SLCO3A1: variants seen among roughly 807,000 people sequenced by gnomAD.
The protein encoded by SLCO3A1 is solute carrier organic anion transporter family member 3A1, also known as PGE1 transporter.
A neutral mutation model predicts 63.1 loss-of-function variants in SLCO3A1; 27 were observed. The ratio of observed to expected loss-of-function variants is 0.43; its 90% CI spans 0.32 to 0.59. The LOEUF is 0.59. Among genes scored for constraint, SLCO3A1 ranks in the 20% least tolerant of loss-of-function variants. The probability of loss-of-function intolerance (pLI) is 0.09; values close to 1 mark genes in which losing one functional copy is unlikely to be tolerated. For missense variants in SLCO3A1, 773 were observed against 945.8 expected (o/e 0.82, Z 2.40); for synonymous variants, 473 against 409.9 (o/e 1.15, Z -1.86).
intron 2 of SLCO3A1, among the ~76,000 whole-genome samples, chr15:91,929,788 G>A (rs1200256429): frequency 3.9e-5 from 6 of 152,288 alleles, no homozygotes. Flanking sequence ...AGATCGTAGA[G>A]TATCTGTCTT....
At position 92,033,925 on chromosome 15, in the gene SLCO3A1, G is replaced by T. The variant is rs2046688333; in HGVS notation, c.647-60956G>T. ...GAGCAGGCTGGCGTTGATGAGCTGG[G>T]AGCAGGCGCATGGGTGGGACCCAGT... On this transcript the variant is annotated intron_variant, in intron 2 of 9. Transcript: ENST00000318445. This position sits in a 1 kb window ranked among gnomAD's most constrained non-coding sequence, Gnocchi z 4.5. Among the ~76,000 whole-genome samples the T allele has an allele frequency of 6.6e-6, 1 of 151,974 alleles. No individual in the cohort carries two copies. The highest frequency in any genetic ancestry group is 2.1e-4 in the South Asian group (1 of 4,792).
chr15:92,135,539 G>T (rs1424949857), intron 7 of SLCO3A1, among the ~76,000 whole-genome samples: 2 of 152,204 alleles, frequency 1.3e-5, no homozygotes, highest in Non-Finnish European at 2.9e-5. Context: ...GGCGCCCTTT[G>T]TGATGAGATC....
rs558678501 is a variant in SLCO3A1, at chr15:91,935,598, C to T, written c.646+19140C>T. 3.9e-5 allele frequency among the ~76,000 whole-genome samples: 6 copies of T among 152,264 alleles called. No homozygotes were observed. In the South Asian group the frequency reaches 6.2e-4, roughly 16 times the overall value. ...GTATGATGTGCTAGACATGGAGTAA[C>T]GCCTCAGCTTTTTCCTCTCTTCTGA... On this transcript the variant is annotated intron_variant, in intron 2 of 9. Coordinates refer to ENST00000318445, the MANE Select transcript of SLCO3A1 (RefSeq NM_013272.4).
intron 2 of SLCO3A1, among the ~76,000 whole-genome samples, chr15:91,964,020 G>C (rs1243258057): frequency 2.0e-5 from 3 of 152,144 alleles, no homozygotes; most frequent in Non-Finnish European, 2.9e-5. Flanking sequence ...CTTTTAACTA[G>C]ACCCAGAGCA....
intron 9 of SLCO3A1, among the ~76,000 whole-genome samples, chr15:92,158,405 A>G (rs751598622): frequency 1.4e-4 from 21 of 152,208 alleles, no homozygotes; most frequent in Non-Finnish European, 2.6e-4. Context: ...GAATTTTGAA[A>G]TATCAAACCT....
At chr15:91,873,503 A>G (rs1325213018) in intron 1 of SLCO3A1, among the ~76,000 whole-genome samples, 2 of 150,996 alleles carry the variant, frequency 1.3e-5, no homozygotes, top group Non-Finnish European at 2.9e-5. Flanking sequence ...GATTTGACAC[A>G]TTTGCTTCAT....
intron 4 of SLCO3A1, among the ~76,000 whole-genome samples, chr15:92,109,425 G>A (rs1379501257): frequency 6.6e-6 from 1 of 152,174 alleles, no homozygotes; most frequent in Non-Finnish European, 1.5e-5. Flanking sequence ...AAAAAGATGG[G>A]TCTTCCAGAC....
chr15:92,089,884 G>A (rs1360759476), intron 2 of SLCO3A1, among the ~76,000 whole-genome samples: 1 of 152,092 alleles, frequency 6.6e-6, no homozygotes, highest in South Asian at 2.1e-4. Flanking sequence ...GCAACAGAGG[G>A]TCCCAAACTT....
At chr15:92,121,136 A>G (rs1292329485) in intron 5 of SLCO3A1, among the ~76,000 whole-genome samples, 1 of 152,172 alleles carries the variant, frequency 6.6e-6, no homozygotes, top group Non-Finnish European at 1.5e-5. Flanking sequence ...TAAATCATAG[A>G]CTACAGGTTT....
chr15:91,914,630 T>A (rs1417116278), intron 1 of SLCO3A1, among the ~76,000 whole-genome samples: 2 of 147,664 alleles, frequency 1.4e-5, no homozygotes, highest in African/African-American at 5.0e-5. Context: ...AGTGCAGTGG[T>A]GTGATCTCAG....
At chr15:92,075,076 C>T (rs868834925) in intron 2 of SLCO3A1, among the ~76,000 whole-genome samples, 1 of 152,254 alleles carries the variant, frequency 6.6e-6, no homozygotes, top group South Asian at 2.1e-4. Flanking sequence ...ACCTGAATAC[C>T]CTTGGTGGTG....
intron 1 of SLCO3A1, among the ~76,000 whole-genome samples, chr15:91,877,818 C>T (rs903609800): frequency 3.3e-5 from 5 of 152,028 alleles, no homozygotes; most frequent in African/African-American, 1.2e-4. Context: ...AATGAACCTA[C>T]AAAAAAATCT....
intron 2 of SLCO3A1, among the ~76,000 whole-genome samples, chr15:91,936,655 G>T (rs1899425127): frequency 6.6e-6 from 1 of 152,210 alleles, no homozygotes; most frequent in South Asian, 2.1e-4. Context: ...GTGAGTATGG[G>T]ATTCACACAG....
rs1390380923 is a variant in SLCO3A1, at chr15:92,131,377, T to TC, written c.1512+2888_1512+2889insC. On this transcript the variant is annotated intron_variant, in intron 7 of 9. Coordinates refer to ENST00000318445, the MANE Select transcript of SLCO3A1 (RefSeq NM_013272.4). ...TTCCTCCCACCTCTTTTTTTTTTTT[T>TC]TTTTTGAGACAGGGTCTCGCTCTGT... is the stretch of plus-strand genomic sequence containing the variant. 2.7e-5 allele frequency among the ~76,000 whole-genome samples: 3 copies of TC among 110,418 alleles called. 1 individual carries two copies. Among genetic ancestry groups the TC allele is most frequent in the African/African-American group, 9.0e-5 (3 of 33,168 alleles). The allele number at this position is 110,418 out of a possible 152,430, so 72.4% of individuals were successfully genotyped here. A position where few individuals can be genotyped will look rare whatever the true frequency, so the allele number is the denominator to read the frequency against.
intron 2 of SLCO3A1, among the ~76,000 whole-genome samples, chr15:92,040,658 G>C (rs1282614358): frequency 2.6e-5 from 4 of 152,110 alleles, no homozygotes; most frequent in Non-Finnish European, 5.9e-5. Flanking sequence ...GGAGCACGTG[G>C]TGTATACCTG....
Position 91,948,588 on chromosome 15 carries a change from T to G in SLCO3A1, c.646+32130T>G, listed in dbSNP as rs1392847981. On this transcript the variant is annotated intron_variant, in intron 2 of 9. Coordinates refer to ENST00000318445, the MANE Select transcript of SLCO3A1 (RefSeq NM_013272.4). This position sits in a 1 kb window ranked among gnomAD's most constrained non-coding sequence, Gnocchi z 4.8. The stretch of plus-strand genomic sequence containing the variant: ...ACTCTGCAGGAAGGCTGAAAAACTT[T>G]CAAAACAGTACAGGCAATTAATCAG... Among the ~76,000 whole-genome samples, 1 of 152,182 alleles carries G rather than the reference T, an allele frequency of 6.6e-6. No individual in the cohort carries two copies. Among genetic ancestry groups the G allele is most frequent in the Non-Finnish European group, 1.5e-5 (1 of 68,022 alleles).
chr15:91,926,599 G>GCACGCA (rs1555450152), intron 2 of SLCO3A1, among the ~76,000 whole-genome samples: 22 of 145,648 alleles, frequency 1.5e-4, no homozygotes, highest in Non-Finnish European at 3.3e-4. Context: ...GTGTGTGTGC[G>GCACGCA]CGCGCGCACG....
At chr15:92,067,366 C>A (rs916081760) in intron 2 of SLCO3A1, among the ~76,000 whole-genome samples, 6 of 152,164 alleles carry the variant, frequency 3.9e-5, no homozygotes, top group African/African-American at 1.4e-4. Context: ...CTCACCTCAG[C>A]CCTCACGTAG....
intron 2 of SLCO3A1, among the ~76,000 whole-genome samples, chr15:92,042,392 C>A (rs2046810748): frequency 6.6e-6 from 1 of 151,916 alleles, no homozygotes; most frequent in Non-Finnish European, 1.5e-5. Flanking sequence ...TTTTATTATG[C>A]CGTCTAGAAA....
Sources: allele counts gnomAD v4.1 joint callset (sites outside exome capture counted in the v4.1 genomes callset), GRCh38; gene constraint gnomAD v4.1.1; non-coding constraint Gnocchi (gnomAD v3.1); transcripts MANE v1.5; gene names NCBI Gene and HGNC (gene_info 2026-07-23, HGNC 2026-07-21).